The following MCU variants were observed in gnomAD, a reference collection of about 807,000 sequenced individuals.
MCU encodes calcium uniporter protein, mitochondrial.
MCU carries 12 observed loss-of-function variants against 45.2 expected under a neutral mutation model. The ratio of observed to expected loss-of-function variants is 0.27; its 90% CI spans 0.17 to 0.43. The LOEUF is 0.43. MCU is among the 20% of genes least tolerant of loss of function. The pLI is 1.00. For synonymous variants in MCU, 160 were observed against 165.1 expected, an observed-to-expected ratio of 0.97 and a Z score of 0.24; for missense variants, 324 against 436.7, an observed-to-expected ratio of 0.74 and a Z score of 2.30.
chr10:72,868,482 G>A (rs1845491930), intron 4 of MCU, among the ~76,000 whole-genome samples: 1 of 151,592 alleles, frequency 6.6e-6, no homozygotes. Context: ...AGCCCTGGAG[G>A]TAGGGGCTGC....
chr10:72,800,959 G>T (rs934579623), intron 1 of MCU, among the ~76,000 whole-genome samples: 3 of 152,108 alleles, frequency 2.0e-5, no homozygotes, highest in Non-Finnish European at 4.4e-5. Flanking sequence ...AATTCGCTGG[G>T]CATGGTGGAA....
intron 1 of MCU, among the ~76,000 whole-genome samples, chr10:72,727,830 GA>G (rs1158520578): frequency 8.6e-5 from 13 of 151,034 alleles, no homozygotes; most frequent in Admixed American, 7.9e-4. Context: ...AGAATCTGAT[GA>G]AAAAATGTAT....
intron 1 of MCU, among the ~76,000 whole-genome samples, chr10:72,745,643 T>A (rs1219434503): frequency 6.6e-6 from 1 of 152,220 alleles, no homozygotes; most frequent in Non-Finnish European, 1.5e-5. Context: ...GAGCCTTTTT[T>A]CTTGTTTGTT....
At chr10:72,720,897 A>C (rs1843012997) in intron 1 of MCU, 1 of 152,208 alleles carries the variant, frequency 6.6e-6, no homozygotes, top group Admixed American at 6.5e-5. Flanking sequence ...TTATACATCC[A>C]ACTAACAGTC....
chr10:72,778,493 T>C (rs1051864688), intron 1 of MCU, among the ~76,000 whole-genome samples: 3 of 151,778 alleles, frequency 2.0e-5, no homozygotes, highest in African/African-American at 7.3e-5. Flanking sequence ...GAAGATAGAG[T>C]GTAGAATGGT....
At chr10:72,711,469 C>T (rs1417190172) in intron 1 of MCU, among the ~76,000 whole-genome samples, 1 of 151,596 alleles carries the variant, frequency 6.6e-6, no homozygotes, top group East Asian at 2.0e-4. Flanking sequence ...GATCTGCCTG[C>T]CTCGGCCTTC....
intron 1 of MCU, among the ~76,000 whole-genome samples, chr10:72,790,524 A>G (rs1844142927): frequency 6.6e-6 from 1 of 152,248 alleles, no homozygotes; most frequent in Admixed American, 6.5e-5. Context: ...AGACTGCAAC[A>G]TAATTCTGAT....
At chr10:72,708,627 A>G (rs533225926) in intron 1 of MCU, among the ~76,000 whole-genome samples, 6 of 152,224 alleles carry the variant, frequency 3.9e-5, no homozygotes, top group South Asian at 4.2e-4. Context: ...CCTGGCAACT[A>G]TTGTCTAAAT....
rs372456601 is a variant in MCU at position 72,884,401 on chromosome 10, A to T, written c.978+19A>T. Reference sequence around the variant, plus strand: ...TGCTCAGGTAAGTTTTACAAAAATTAAAATAAATCCCAGCCCTATCTTGCA... The same window carrying T: ...TGCTCAGGTAAGTTTTACAAAAATTTAAATAAATCCCAGCCCTATCTTGCA... On this transcript the variant is annotated intron_variant, in intron 7 of 7. Transcript: ENST00000373053. 9 of 1,363,084 alleles carry T rather than the reference A, an allele frequency of 6.6e-6. No individual in the cohort carries two copies. The Admixed American group carries it at 1.2e-4, about 18-fold the overall frequency. 84.4% of individuals were successfully genotyped at this position (1,363,084 alleles called of 1,614,324 possible). A position where few individuals can be genotyped will look rare whatever the true frequency, so the allele number is the denominator to read the frequency against.
intron 1 of MCU, among the ~76,000 whole-genome samples, chr10:72,817,123 T>C (rs16930119): frequency 0.053 from 8,017 of 152,242 alleles, 713 homozygotes; most frequent in African/African-American, 0.18. Context: ...CCAGAATTTC[T>C]GTGGCATCAA....
intron 1 of MCU, among the ~76,000 whole-genome samples, chr10:72,705,157 C>T (rs574702948): frequency 6.6e-6 from 1 of 152,112 alleles, no homozygotes; most frequent in South Asian, 2.1e-4. Flanking sequence ...GGTACTGTGC[C>T]TGGCCAAAAC....
intron 1 of MCU, among the ~76,000 whole-genome samples, chr10:72,699,746 C>T (rs918610378): frequency 2.6e-5 from 4 of 151,714 alleles, no homozygotes; most frequent in African/African-American, 4.8e-5. Context: ...TGTGCGCCAC[C>T]GCCCCCTGCC....
chr10:72,872,539 A>G (rs1845559976), intron 6 of MCU, among the ~76,000 whole-genome samples: 1 of 152,090 alleles, frequency 6.6e-6, no homozygotes, highest in Non-Finnish European at 1.5e-5. Context: ...TCCCTGGCCT[A>G]TTTCATTAAA....
chr10:72,704,416 C>T (rs922710713), intron 1 of MCU, among the ~76,000 whole-genome samples: 2 of 152,130 alleles, frequency 1.3e-5, no homozygotes, highest in Admixed American at 1.3e-4. Flanking sequence ...TTCCTTTTTA[C>T]AATCATGTTA....
At chr10:72,835,117 C>G (rs1217079694) in intron 2 of MCU, among the ~76,000 whole-genome samples, 1 of 152,214 alleles carries the variant, frequency 6.6e-6, no homozygotes. Context: ...CTGAGACCTC[C>G]TGCTCTTGCT....
At position 72,792,792 on chromosome 10, in the gene MCU, T is replaced by G. The variant is rs1844183784; in HGVS notation, c.151-41567T>G. Reference sequence around the variant, plus strand: ...CTTCTCAGGAGTTTGCGTCATAGATTGAATGACATCAGTGTGTGTAAGGTA... The same window carrying G: ...CTTCTCAGGAGTTTGCGTCATAGATGGAATGACATCAGTGTGTGTAAGGTA... On this transcript the variant is annotated intron_variant, in intron 1 of 7. Transcript: ENST00000373053. Among the ~76,000 whole-genome samples the G allele has an allele frequency of 1.3e-5, 2 of 149,634 alleles. 1 individual carries two copies. Among genetic ancestry groups the G allele is most frequent in the South Asian group, 4.3e-4 (2 of 4,664 alleles).
At chr10:72,820,978 G>A (rs1844703708) in intron 1 of MCU, among the ~76,000 whole-genome samples, 1 of 151,780 alleles carries the variant, frequency 6.6e-6, no homozygotes, top group Non-Finnish European at 1.5e-5. Context: ...CCCTTTAACA[G>A]CTCAGTATTG....
intron 1 of MCU, among the ~76,000 whole-genome samples, chr10:72,696,660 T>C (rs183831851): frequency 1.8e-4 from 27 of 152,298 alleles, no homozygotes; most frequent in Admixed American, 8.5e-4. Flanking sequence ...AGCAATGATG[T>C]GTATCTTATT....
intron 5 of MCU, 21 bp from the exon 6 acceptor site, chr10:72,871,356 A>T: frequency 6.2e-7 from 1 of 1,611,688 alleles, no homozygotes; most frequent in Non-Finnish European, 8.5e-7. Flanking sequence ...AAAATGCCTT[A>T]TGATTATGTG....
Sources: gnomAD v4.1 joint callset for allele counts (sites outside exome capture counted in the v4.1 genomes callset) on GRCh38, gnomAD v4.1.1 for gene constraint, MANE v1.5 for transcripts, NCBI Gene and HGNC (gene_info 2026-07-23, HGNC 2026-07-21) for gene names.